Variants in DYNC2H1 observed in about 807,000 individuals in gnomAD.
DYNC2H1 encodes the protein cytoplasmic dynein 2 heavy chain 1.
Under a neutral mutation model 570.0 loss-of-function variants are expected in DYNC2H1, and 410 were observed. The ratio of observed to expected loss-of-function variants is 0.72; its 90% CI spans 0.66 to 0.78. DYNC2H1 has a LOEUF of 0.78. Among genes scored for constraint, DYNC2H1 ranks in the 30% least tolerant of loss-of-function variants. The pLI is 0.00. For missense variants in DYNC2H1, 4,865 were observed against 5,046.4 expected (o/e 0.96, Z 1.09); for synonymous variants, 1,688 against 1,677.6 (o/e 1.01, Z -0.15).
intron 82 of DYNC2H1, among the ~76,000 whole-genome samples, chr11:103,340,106 T>C (rs1939369196): frequency 6.6e-6 from 1 of 152,220 alleles, no homozygotes; most frequent in Non-Finnish European, 1.5e-5. Context: ...TCTCCCTTTG[T>C]TATTATGTTA....
intron 84 of DYNC2H1, chr11:103,404,640 A>G (rs893397405): frequency 2.0e-5 from 3 of 150,986 alleles, no homozygotes; most frequent in Non-Finnish European, 4.4e-5. Context: ...GATTAATTGT[A>G]TAACCTGAAA....
chr11:103,154,686 AT>A lies in DYNC2H1; in HGVS notation c.3459-5del. On this transcript the variant is annotated splice_region_variant and splice_polypyrimidine_tract_variant and intron_variant, in intron 23 of 88. Transcript: ENST00000375735. ...GTAATCTTTGCAATGTGTTTTTGGTATTTTATAGGACTAAGACATACCTGTT... is the reference window on the plus strand; with the variant it reads ...GTAATCTTTGCAATGTGTTTTTGGTATTTATAGGACTAAGACATACCTGTT... 1 of 1,565,202 alleles carries A rather than the reference AT, an allele frequency of 6.4e-7. No individual in the cohort carries two copies. The highest frequency in any genetic ancestry group is 8.7e-7 in the Non-Finnish European group (1 of 1,155,846).
rs750118780 is a variant in DYNC2H1, at chr11:103,203,560, AT to A, written c.8198-98del. 1.5e-6 allele frequency: 1 copy of A among 689,350 alleles called. No homozygotes were observed. Among genetic ancestry groups the A allele is most frequent in the Admixed American group, 3.1e-5 (1 of 32,270 alleles). The allele number at this position is 689,350 out of a possible 1,614,324, so 42.7% of individuals were successfully genotyped here. ...CAAGTAGAGGTAATAAAGTTTGTATATTTTTGGAAATAAAGATTGAATAAGA... is the reference window on the plus strand; with the variant it reads ...CAAGTAGAGGTAATAAAGTTTGTATATTTTGGAAATAAAGATTGAATAAGA... On this transcript the variant is annotated intron_variant, in intron 50 of 88. Transcript: ENST00000375735. This position sits in a 1 kb window ranked among gnomAD's most constrained non-coding sequence, Gnocchi z 4.7.
chr11:103,172,886 T>C (rs891748495), intron 34 of DYNC2H1, among the ~76,000 whole-genome samples, 196 bp from the exon 35 acceptor site: 1 of 150,112 alleles, frequency 6.7e-6, no homozygotes, highest in African/African-American at 2.4e-5. Flanking sequence ...TATCATATAT[T>C]GAGTAAGGAG....
At chr11:103,328,411 A>G (rs1938607523) in intron 82 of DYNC2H1, among the ~76,000 whole-genome samples, 1 of 152,224 alleles carries the variant, frequency 6.6e-6, no homozygotes, top group Non-Finnish European at 1.5e-5. Context: ...ATTCCAAGCC[A>G]CATTTAAACA....
intron 77 of DYNC2H1, among the ~76,000 whole-genome samples, chr11:103,306,308 T>C (rs1377189853): frequency 1.3e-5 from 2 of 152,264 alleles, no homozygotes; most frequent in African/African-American, 4.8e-5. Flanking sequence ...TACTAATCTA[T>C]GTAAAATGTA....
At chr11:103,455,364 T>C in intron 86 of DYNC2H1, 69 bp downstream of exon 86, 2 of 1,165,724 alleles carry the variant, frequency 1.7e-6, no homozygotes, top group Non-Finnish European at 2.6e-6. Context: ...TGACTTCCTA[T>C]TACACTGCCC....
At chr11:103,115,829 T>G (rs979195427) in intron 4 of DYNC2H1, among the ~76,000 whole-genome samples, 1 of 152,150 alleles carries the variant, frequency 6.6e-6, no homozygotes, top group Non-Finnish European at 1.5e-5. Flanking sequence ...ATTACTTTTC[T>G]GCAGGTATAT....
intron 70 of DYNC2H1, among the ~76,000 whole-genome samples, chr11:103,265,625 T>C (rs1865476645): frequency 6.6e-6 from 1 of 152,236 alleles, no homozygotes; most frequent in Admixed American, 6.5e-5. Flanking sequence ...ATCTTTATTT[T>C]GAATTCTATT....
chr11:103,269,598 A>T lies in DYNC2H1; in HGVS notation c.10695+9621A>T, dbSNP rs565373605. 1.2e-4 allele frequency among the ~76,000 whole-genome samples: 18 copies of T among 152,326 alleles called. No individual in the cohort carries two copies. The South Asian group carries it at 3.3e-3, about 28-fold the overall frequency. On this transcript the variant is annotated intron_variant, in intron 70 of 88. Transcript: ENST00000375735. ...TGATTGACTTATTTTGTAGCAGGAAATTTAGACTGTTAATAAACTAAAACA... is the reference window on the plus strand; with the variant it reads ...TGATTGACTTATTTTGTAGCAGGAATTTTAGACTGTTAATAAACTAAAACA...
chr11:103,335,977 C>T (rs557006243), intron 82 of DYNC2H1, among the ~76,000 whole-genome samples: 1 of 152,228 alleles, frequency 6.6e-6, no homozygotes, highest in East Asian at 1.9e-4. Context: ...TTACTGAATA[C>T]TGGTTCATGC....
intron 55 of DYNC2H1, among the ~76,000 whole-genome samples, 190 bp from the exon 56 acceptor site, chr11:103,219,725 A>C (rs1414098314): frequency 6.6e-6 from 1 of 152,230 alleles, no homozygotes; most frequent in African/African-American, 2.4e-5. Context: ...AACCTTTCTG[A>C]TAGAAAATAT....
intron 72 of DYNC2H1, 33 bp from the exon 73 acceptor site, chr11:103,282,975 G>A (rs749335902): frequency 1.3e-6 from 2 of 1,524,692 alleles, no homozygotes; most frequent in East Asian, 2.3e-5. Flanking sequence ...ATTTTACCAA[G>A]TATACTAAGG....
chr11:103,195,589 G>A (rs1046315955), intron 47 of DYNC2H1, among the ~76,000 whole-genome samples: 2 of 152,074 alleles, frequency 1.3e-5, no homozygotes, highest in South Asian at 2.1e-4. Context: ...TCCTACTTTA[G>A]ACTTCTTTCT....
rs1359405738 is a variant in DYNC2H1, at chr11:103,316,334, G to T, written c.11650-211G>T. On this transcript the variant is annotated intron_variant, in intron 79 of 88. Coordinates refer to ENST00000375735, the MANE Select transcript of DYNC2H1 (RefSeq NM_001377.3). ...CACATAACTAACTAAAACTAGTATG[G>T]TATTATAAAGTACTTTTCATGCTAT... 5.9e-5 allele frequency among the ~76,000 whole-genome samples: 9 copies of T among 151,796 alleles called. No homozygotes were observed. In the South Asian group the frequency reaches 1.2e-3, roughly 21 times the overall value.
intron 87 of DYNC2H1, among the ~76,000 whole-genome samples, chr11:103,464,963 A>G (rs1316111201): frequency 6.6e-6 from 1 of 152,200 alleles, no homozygotes; most frequent in Non-Finnish European, 1.5e-5. Flanking sequence ...CTTAAGCTGA[A>G]AATCTAAACA....
At chr11:103,121,227 T>C (rs1344450138) in intron 9 of DYNC2H1, 145 bp from the exon 10 acceptor site, 1 of 1,019,238 alleles carries the variant, frequency 9.8e-7, no homozygotes, top group Non-Finnish European at 1.4e-6. Flanking sequence ...GCTGTTTCAT[T>C]TGATACATGG....
chr11:103,472,341 A>G lies in DYNC2H1; in HGVS notation c.12765+3636A>G, dbSNP rs982809135. Among the ~76,000 whole-genome samples the G allele has an allele frequency of 1.3e-5, 2 of 151,410 alleles. No individual in the cohort carries two copies. The highest frequency in any genetic ancestry group is 4.9e-5 in the African/African-American group (2 of 41,188). On this transcript the variant is annotated intron_variant, in intron 88 of 88. Coordinates refer to ENST00000375735, the MANE Select transcript of DYNC2H1 (RefSeq NM_001377.3). This position sits in a 1 kb window ranked among gnomAD's most constrained non-coding sequence, Gnocchi z 4.1. ...GGAGTTAGAGCCTGGCTTGGGCAACATAGCAAGACCCCATCTTTATTAAAT... is the reference window on the plus strand; with the variant it reads ...GGAGTTAGAGCCTGGCTTGGGCAACGTAGCAAGACCCCATCTTTATTAAAT...
chr11:103,374,209 T>A (rs1340559064), intron 83 of DYNC2H1, among the ~76,000 whole-genome samples: 2 of 152,206 alleles, frequency 1.3e-5, no homozygotes, highest in South Asian at 2.1e-4. Context: ...TCGCCGTGTG[T>A]CATGGGAGGG....
Sources: allele counts gnomAD v4.1 joint callset (sites outside exome capture counted in the v4.1 genomes callset), GRCh38; gene constraint gnomAD v4.1.1; non-coding constraint Gnocchi (gnomAD v3.1); transcripts MANE v1.5; gene names NCBI Gene and HGNC (gene_info 2026-07-23, HGNC 2026-07-21).